Variants in ODAD2 observed in about 807,000 individuals in gnomAD.
ODAD2 encodes the protein outer dynein arm docking complex subunit 2.
A neutral mutation model predicts 106.8 loss-of-function variants in ODAD2; 89 were observed. That is an observed-to-expected ratio of 0.83 (90% CI 0.70 to 0.99). The LOEUF is 0.99. ODAD2 is among the 50% of genes least tolerant of loss of function. ODAD2 has a pLI of 0.00. For missense variants in ODAD2, 1,168 were observed against 1,238.5 expected (o/e 0.94, Z 0.85); for synonymous variants, 404 against 436.2 (o/e 0.93, Z 0.92).
intron 7 of ODAD2, among the ~76,000 whole-genome samples, chr10:27,979,371 A>T (rs969737222): frequency 6.6e-6 from 1 of 151,850 alleles, no homozygotes; most frequent in Non-Finnish European, 1.5e-5. Flanking sequence ...TTGGAAAGGA[A>T]GAAGTAAAAC....
intron 17 of ODAD2, among the ~76,000 whole-genome samples, chr10:27,885,670 A>ATTATATATAATATATTATATAT (rs1842092703): frequency 2.9e-5 from 1 of 34,116 alleles, no homozygotes; most frequent in African/African-American, 7.8e-5. Context: ...TATTATATAT[A>ATTATATATAATATATTATATAT]AAATATATAT....
intron 17 of ODAD2, among the ~76,000 whole-genome samples, chr10:27,862,965 A>T (rs1440099396): frequency 6.6e-6 from 1 of 152,220 alleles, no homozygotes; most frequent in Non-Finnish European, 1.5e-5. Context: ...TGTTCTATAA[A>T]GTAATTGCAA....
At chr10:27,882,199 A>AAGAAAGAG (rs1841773743) in intron 17 of ODAD2, among the ~76,000 whole-genome samples, 1 of 151,136 alleles carries the variant, frequency 6.6e-6, no homozygotes, top group South Asian at 2.1e-4. Context: ...GAAAGAAAGA[A>AAGAAAGAG]AGAAAGAAAG....
At chr10:27,929,407 G>A (rs972476388) in intron 16 of ODAD2, among the ~76,000 whole-genome samples, 1 of 152,112 alleles carries the variant, frequency 6.6e-6, no homozygotes, top group African/African-American at 2.4e-5. Flanking sequence ...ATTTTTGTCA[G>A]TTGTATTATT....
At chr10:27,920,225 C>A (rs1051802946) in intron 16 of ODAD2, among the ~76,000 whole-genome samples, 4 of 152,014 alleles carry the variant, frequency 2.6e-5, no homozygotes, top group African/African-American at 9.7e-5. Flanking sequence ...TAAGTGTTTC[C>A]CTTCCAATAA....
At chr10:27,995,433 G>T (rs904275664) in intron 1 of ODAD2, among the ~76,000 whole-genome samples, 4 of 152,054 alleles carry the variant, frequency 2.6e-5, no homozygotes, top group African/African-American at 9.7e-5. Flanking sequence ...TTTCCCTAGG[G>T]CCTAAGAGAG....
intron 17 of ODAD2, among the ~76,000 whole-genome samples, chr10:27,890,511 G>A (rs994846659): frequency 2.0e-5 from 3 of 152,064 alleles, no homozygotes; most frequent in East Asian, 1.9e-4. Flanking sequence ...AATGCTTTTC[G>A]TTGTAAGTTA....
At chr10:27,912,518 T>C (rs1364806033) in intron 16 of ODAD2, among the ~76,000 whole-genome samples, 2 of 152,164 alleles carry the variant, frequency 1.3e-5, no homozygotes, top group East Asian at 1.9e-4. Flanking sequence ...CGCCTGCCCA[T>C]TGAGGCCATA....
At chr10:27,850,027 A>G (rs566372280) in intron 19 of ODAD2, among the ~76,000 whole-genome samples, 4 of 152,328 alleles carry the variant, frequency 2.6e-5, no homozygotes, top group Middle Eastern at 3.4e-3. Flanking sequence ...TACTAATCAA[A>G]TGGACACAGC....
intron 17 of ODAD2, among the ~76,000 whole-genome samples, chr10:27,865,083 T>A (rs550640521): frequency 4.5e-4 from 68 of 152,208 alleles, no homozygotes; most frequent in African/African-American, 1.4e-3. Flanking sequence ...GCCCTTAGGA[T>A]AAAATTCAAA....
chr10:27,832,553 A>ACG (rs1326052181), intron 19 of ODAD2, among the ~76,000 whole-genome samples: 3 of 151,950 alleles, frequency 2.0e-5, no homozygotes, highest in Admixed American at 2.0e-4. Flanking sequence ...ACACACACAC[A>ACG]TTTCTTTTCA....
chr10:27,940,416 T>A, intron 13 of ODAD2, 147 bp downstream of exon 13: 3 of 833,470 alleles, frequency 3.6e-6, no homozygotes, highest in Middle Eastern at 2.4e-4. Context: ...TTAATTAACG[T>A]CCTATCAGTT....
chr10:27,900,883 A>G (rs1473150184), intron 17 of ODAD2, among the ~76,000 whole-genome samples: 2 of 152,186 alleles, frequency 1.3e-5, no homozygotes, highest in African/African-American at 4.8e-5. Flanking sequence ...AACTTGGAAA[A>G]CACTCTGCAG....
chr10:27,929,011 C>T (rs531159218), intron 16 of ODAD2, among the ~76,000 whole-genome samples: 2 of 152,184 alleles, frequency 1.3e-5, no homozygotes, highest in East Asian at 1.9e-4. Flanking sequence ...TTCCAGAATC[C>T]ATATGTTTAG....
chr10:27,840,828 G>A (rs1352923110), intron 19 of ODAD2, among the ~76,000 whole-genome samples: 1 of 152,220 alleles, frequency 6.6e-6, no homozygotes, highest in Non-Finnish European at 1.5e-5. Flanking sequence ...TGGTGCATAA[G>A]TTTGAGTTAT....
intron 17 of ODAD2, among the ~76,000 whole-genome samples, chr10:27,875,913 C>T (rs970010842): frequency 1.3e-5 from 2 of 152,190 alleles, no homozygotes; most frequent in African/African-American, 2.4e-5. Context: ...ACGCCTGGCT[C>T]GGAGGGTCCC....
intron 10 of ODAD2, among the ~76,000 whole-genome samples, chr10:27,956,274 A>G (rs2132770675): frequency 6.6e-6 from 1 of 152,132 alleles, no homozygotes; most frequent in Middle Eastern, 3.4e-3. Context: ...ATCTTTCCAA[A>G]TCAATGCTTT....
chr10:27,893,625 T>C (rs749831255), intron 17 of ODAD2, among the ~76,000 whole-genome samples: 2 of 152,188 alleles, frequency 1.3e-5, no homozygotes, highest in Non-Finnish European at 2.9e-5. Context: ...TGCAAAAGCA[T>C]TGTAGTTGAA....
intron 15 of ODAD2, 35 bp from the exon 16 acceptor site, chr10:27,935,287 T>C: frequency 6.2e-7 from 1 of 1,607,992 alleles, no homozygotes; most frequent in Non-Finnish European, 8.5e-7. Flanking sequence ...GAATTGGTTT[T>C]TGTATAAGGT....
Sources: allele counts gnomAD v4.1 joint callset (sites outside exome capture counted in the v4.1 genomes callset), GRCh38; gene constraint gnomAD v4.1.1; transcripts MANE v1.5; gene names NCBI Gene and HGNC (gene_info 2026-07-23, HGNC 2026-07-21).